GALNTL5: variants seen among roughly 807,000 people sequenced by gnomAD.
GALNTL5 encodes the protein inactive polypeptide N-acetylgalactosaminyltransferase-like protein 5.
GALNTL5 carries 44 observed loss-of-function variants against 51.0 expected under a neutral mutation model. The ratio of observed to expected loss-of-function variants is 0.86; its 90% CI spans 0.68 to 1.11. GALNTL5 has a LOEUF of 1.11. Among genes scored for constraint, GALNTL5 ranks in the 50% least tolerant of loss-of-function variants. The pLI is 0.00. For synonymous variants in GALNTL5, 192 were observed against 182.8 expected (o/e 1.05, Z -0.41); for missense variants, 528 against 531.8 (o/e 0.99, Z 0.07).
intron 7 of GALNTL5, among the ~76,000 whole-genome samples, chr7:152,010,261 C>A (rs2081713486): frequency 6.6e-6 from 1 of 152,010 alleles, no homozygotes; most frequent in Non-Finnish European, 1.5e-5. Flanking sequence ...TACAGACATG[C>A]ACCACAACAC....
chr7:151,971,350 T>C (rs7799325), intron 3 of GALNTL5, among the ~76,000 whole-genome samples: 98,114 of 151,976 alleles, frequency 0.65, 32,621 homozygotes, highest in South Asian at 0.81. Flanking sequence ...AAATCACCAA[T>C]AAGGGCTTCT....
intron 8 of GALNTL5, among the ~76,000 whole-genome samples, chr7:152,016,511 A>G (rs1486835679): frequency 1.3e-5 from 2 of 152,182 alleles, no homozygotes; most frequent in African/African-American, 4.8e-5. Flanking sequence ...ACATCTGAAA[A>G]TGGCGTGGCA....
chr7:151,966,239 C>T (rs2081057706), intron 1 of GALNTL5, among the ~76,000 whole-genome samples: 1 of 151,604 alleles, frequency 6.6e-6, no homozygotes, highest in Admixed American at 6.6e-5. Flanking sequence ...ACTTCAGTTG[C>T]ATCTAGTTTT....
At chr7:151,988,345 G>T (rs893183609) in intron 5 of GALNTL5, among the ~76,000 whole-genome samples, 1 of 152,166 alleles carries the variant, frequency 6.6e-6, no homozygotes, top group South Asian at 2.1e-4. Flanking sequence ...GCCTCCTGCC[G>T]CATGTAGGGG....
rs1224048758 is a variant in GALNTL5 at position 151,967,307 on chromosome 7, G to A, written c.61G>A (p.Ala21Thr). 3 of 1,613,830 alleles carry A rather than the reference G, an allele frequency of 1.9e-6. No homozygotes were observed. Among genetic ancestry groups the A allele is most frequent in the Non-Finnish European group, 8.5e-7 (1 of 1,179,824 alleles). The change falls in exon 2 of 9, where the codon GCT becomes ACT. Residue 21 changes from alanine to threonine, a missense_variant. By Grantham distance (58) the Ala-to-Thr change is moderately conservative. Coordinates refer to ENST00000392800, the MANE Select transcript of GALNTL5 (RefSeq NM_145292.4). ...GTCCTTGACATTTGGGATCTGGACA[G>A]CTCTGTTATTCATATATTTGCACCA... The part of the protein sequence containing the change: ...YGSLTFGIWT[A>T]LLFIYLHHNH...
intron 1 of GALNTL5, among the ~76,000 whole-genome samples, chr7:151,959,265 G>A (rs185360095): frequency 5.0e-4 from 75 of 151,434 alleles, no homozygotes; most frequent in Middle Eastern, 3.4e-3. Context: ...ATTGCTTTTG[G>A]TTTTTGGAGA....
At chr7:152,005,744 A>G (rs905428479) in intron 6 of GALNTL5, among the ~76,000 whole-genome samples, 1 of 152,190 alleles carries the variant, frequency 6.6e-6, no homozygotes, top group Non-Finnish European at 1.5e-5. Flanking sequence ...GCTTAATCAA[A>G]TTGTTCTGTT....
chr7:151,993,113 ATCCATAGCTACTCAGGAGGCTG>A (rs2081448463), intron 5 of GALNTL5, among the ~76,000 whole-genome samples: 1 of 151,982 alleles, frequency 6.6e-6, no homozygotes, highest in Non-Finnish European at 1.5e-5. Context: ...TGGCACATGC[ATCCATAGCTACTCAGGAGGCTG>A]AGGCAGGAGA....
Position 152,000,969 on chromosome 7 carries a change from G to A in GALNTL5, c.659-1745G>A, listed in dbSNP as rs62480047. Among the ~76,000 whole-genome samples, 571 of 143,344 alleles carry A rather than the reference G, an allele frequency of 4.0e-3. 2 individuals are homozygous for A. The highest frequency in any genetic ancestry group is 0.022 in the Middle Eastern group (6 of 274). The allele number at this position is 143,344 out of a possible 152,430, so 94.0% of individuals were successfully genotyped here. A position where few individuals can be genotyped will look rare whatever the true frequency, so the allele number is the denominator to read the frequency against. ...CACCCAGGCTGGAGTGCAGTGGCACGATCTTGGCTCACTGCAACCTCCGCC... is the reference window on the plus strand; with the variant it reads ...CACCCAGGCTGGAGTGCAGTGGCACAATCTTGGCTCACTGCAACCTCCGCC... On this transcript the variant is annotated intron_variant, in intron 5 of 8. Transcript: ENST00000392800.
In GALNTL5 at chr7:151,970,954, T is replaced by G; in HGVS notation, c.257T>G (p.Phe86Cys). 5 of 1,601,278 alleles carry G rather than the reference T, an allele frequency of 3.1e-6. No individual in the cohort carries two copies. Among genetic ancestry groups the G allele is most frequent in the Non-Finnish European group, 4.3e-6 (5 of 1,170,048 alleles). Residue 86 changes from phenylalanine (F) to cysteine (C), a missense_variant, in exon 3 of 9, where the codon TTT (phenylalanine) becomes TGT (cysteine). Transcript: ENST00000392800. Reference protein sequence around the residue: ...DKAKSMLGTDFNHTNPELHKE... With the variant: ...DKAKSMLGTDCNHTNPELHKE... ...TTACATTTTCTTGCAGGTACAGATT[T>G]TAACCATACAAACCCAGAACTTCAT...
chr7:152,007,953 G>T lies in GALNTL5; in HGVS notation c.1026+9G>T. 1 of 1,386,330 alleles carries T rather than the reference G, an allele frequency of 7.2e-7. No homozygotes were observed. Among genetic ancestry groups the T allele is most frequent in the Non-Finnish European group, 1.0e-6 (1 of 975,192 alleles). 85.9% of individuals were successfully genotyped at this position (1,386,330 alleles called of 1,614,324 possible). A position where few individuals can be genotyped will look rare whatever the true frequency, so the allele number is the denominator to read the frequency against. The stretch of plus-strand genomic sequence containing the variant: ...TGGAACTTTCACTAAGGGTAATTCA[G>T]ATTTCATTTTTAAAATAGCTATAGA... On this transcript the variant is annotated intron_variant, in intron 7 of 8. Transcript: ENST00000392800.
At chr7:152,018,498 G>A (rs1288645874) in intron 8 of GALNTL5, among the ~76,000 whole-genome samples, 1 of 152,136 alleles carries the variant, frequency 6.6e-6, no homozygotes, top group Non-Finnish European at 1.5e-5. Flanking sequence ...GATCTAGATG[G>A]TTGAATTGAA....
chr7:152,008,027 A>G (rs2081673267), intron 7 of GALNTL5, 83 bp downstream of exon 7: 2 of 780,242 alleles, frequency 2.6e-6, no homozygotes, highest in Non-Finnish European at 4.5e-6. Flanking sequence ...ATTATGCTCA[A>G]TTTTCCTACA....
chr7:152,000,027 G>T (rs1280385963), intron 5 of GALNTL5, among the ~76,000 whole-genome samples: 1 of 152,182 alleles, frequency 6.6e-6, no homozygotes, highest in Admixed American at 6.5e-5. Flanking sequence ...GACTTGATAT[G>T]AATTCAGCAC....
At chr7:151,962,436 C>CTT (rs61210832) in intron 1 of GALNTL5, among the ~76,000 whole-genome samples, 5 of 116,240 alleles carry the variant, frequency 4.3e-5, no homozygotes, top group African/African-American at 1.3e-4. Context: ...ATTTTTTTTT[C>CTT]TTTTTTTTTT....
At chr7:151,964,647 C>A (rs1563000748) in intron 1 of GALNTL5, among the ~76,000 whole-genome samples, 1 of 152,154 alleles carries the variant, frequency 6.6e-6, no homozygotes, top group Non-Finnish European at 1.5e-5. Context: ...AATTACCCAG[C>A]CTCGGGTATC....
At chr7:152,012,451 CTGCT>C (rs1410274293) in intron 7 of GALNTL5, among the ~76,000 whole-genome samples, 1 of 192 alleles carries the variant, frequency 5.2e-3, no homozygotes, top group Non-Finnish European at 0.011. Flanking sequence ...CTATACTCTG[CTGCT>C]GTGGGAGTGT....
At chr7:152,000,903 TTTTC>T (rs2081568342) in intron 5 of GALNTL5, among the ~76,000 whole-genome samples, 1 of 146,594 alleles carries the variant, frequency 6.8e-6, no homozygotes, top group East Asian at 2.0e-4. Flanking sequence ...CTTTTCTTTT[TTTTC>T]TTTCTTTTTT....
At chr7:152,015,144 C>T (rs2081790677) in intron 8 of GALNTL5, among the ~76,000 whole-genome samples, 1 of 152,130 alleles carries the variant, frequency 6.6e-6, no homozygotes, top group East Asian at 1.9e-4. Flanking sequence ...AATCCATCCC[C>T]AACCCTATTC....
Sources: allele counts gnomAD v4.1 joint callset (sites outside exome capture counted in the v4.1 genomes callset), GRCh38; gene constraint gnomAD v4.1.1; transcripts MANE v1.5; gene names NCBI Gene and HGNC (gene_info 2026-07-23, HGNC 2026-07-21).